DNAH17: variants seen among roughly 807,000 people sequenced by gnomAD.
DNAH17 encodes axonemal beta dynein heavy chain 17.
DNAH17 carries 376 observed loss-of-function variants against 485.6 expected under a neutral mutation model. The ratio of observed to expected loss-of-function variants is 0.77; its 90% confidence interval spans 0.71 to 0.84. The LOEUF (loss-of-function observed/expected upper bound fraction) is 0.84. DNAH17 is among the 40% of genes least tolerant of loss of function. The pLI is 0.00. For missense variants in DNAH17, 6,370 were observed against 5,839.3 expected (o/e 1.09, Z -2.96); for synonymous variants, 3,031 against 2,405.9 (o/e 1.26, Z -7.60).
At position 78,461,548 on chromosome 17, in the gene DNAH17, T is replaced by C. The variant is rs748672586; in HGVS notation, c.9335A>G (p.Asn3112Ser). 1.4e-5 allele frequency: 23 copies of C among 1,588,848 alleles called. No homozygotes were observed. The highest frequency in any genetic ancestry group is 4.5e-5 in the East Asian group (2 of 44,008). Residue 3112 changes from asparagine (N) to serine (S), a missense_variant, in exon 58 of 81, where the codon AAT (asparagine) becomes AGT (serine). Coordinates refer to ENST00000389840, the MANE Select transcript of DNAH17 (RefSeq NM_173628.4). ...DQEEVKVEVI[N>S]KNVTEKQKAC... Reference sequence around the variant, plus strand: ...CGCTGGGCTGCCTTCACCTACCTTATTGATGACCTCGACCTTGACTTCTTC... The same window carrying C: ...CGCTGGGCTGCCTTCACCTACCTTACTGATGACCTCGACCTTGACTTCTTC...
intron 49 of DNAH17, among the ~76,000 whole-genome samples, 178 bp from the exon 50 acceptor site, chr17:78,479,810 T>C (rs2089269583): frequency 2.6e-5 from 4 of 152,156 alleles, no homozygotes; most frequent in Admixed American, 2.0e-4. Flanking sequence ...TTAAGTATCA[T>C]TACACATGAA....
At chr17:78,486,697 G>A (rs372851917) in intron 44 of DNAH17, among the ~76,000 whole-genome samples, 191 bp from the exon 45 acceptor site, 1 of 152,214 alleles carries the variant, frequency 6.6e-6, no homozygotes, top group South Asian at 2.1e-4. Flanking sequence ...AAGGGTCGGA[G>A]GAGGATGCCA....
chr17:78,552,500 G>A (rs1044620074), intron 15 of DNAH17, among the ~76,000 whole-genome samples, 197 bp downstream of exon 15: 1 of 144,270 alleles, frequency 6.9e-6, no homozygotes, highest in African/African-American at 2.6e-5. Flanking sequence ...GTTTCTAAGT[G>A]ACACAGATGG....
chr17:78,467,548 C>T (rs1452658656), intron 55 of DNAH17, among the ~76,000 whole-genome samples: 8 of 152,108 alleles, frequency 5.3e-5, no homozygotes, highest in African/African-American at 1.7e-4. Flanking sequence ...CTATGCAGCC[C>T]GCAGAGGGGA....
rs771342923 is a variant in DNAH17 at position 78,459,986 on chromosome 17, GCT to G, written c.9449_9450del (p.Glu3150AlafsTer61). 6.2e-7 allele frequency: 1 copy of G among 1,612,852 alleles called. No homozygotes were observed. Among genetic ancestry groups the G allele is most frequent in the Non-Finnish European group, 8.5e-7 (1 of 1,179,884 alleles). On this transcript the variant is annotated frameshift_variant, in exon 60 of 81. Coordinates refer to ENST00000389840, the MANE Select transcript of DNAH17 (RefSeq NM_173628.4). LOFTEE classifies it high-confidence loss of function. ...TCCGGCGGGGACCCAAAGGACTTCA[GCT>G]CTGTCAGGTTGTTCTGCAAATGACA... is the stretch of plus-strand genomic sequence containing the variant. ...LDTLNKNNLT[E>X]LKSFGSPPDA...
chr17:78,507,929 G>T, intron 27 of DNAH17, 124 bp from the exon 28 acceptor site: 1 of 875,816 alleles, frequency 1.1e-6, no homozygotes, highest in Non-Finnish European at 1.7e-6. Context: ...TCAAACCAAC[G>T]TATTCACAGG....
At position 78,525,081 on chromosome 17, in the gene DNAH17, T is replaced by C; in HGVS notation, c.3792A>G (p.Pro1264=). ...GGCAGGCCTTGAGCTGCTTGTAGTC[T>C]GGGACGGGGACCTCGAACAGGCCCC... ...KSGGLFEVPV[P]DYKQLKACHR... The change falls in exon 25 of 81, where the codon CCA becomes CCG. Residue 1264 remains proline (P), a synonymous_variant. Transcript: ENST00000389840. 4 of 1,613,874 alleles carry C rather than the reference T, an allele frequency of 2.5e-6. No homozygotes were observed. The highest frequency in any genetic ancestry group is 1.7e-5 in the Admixed American group (1 of 60,022).
chr17:78,543,287 G>GTATTTTTTTTTTTTTTTTTTTTTTTTT (rs1200669389), intron 17 of DNAH17, among the ~76,000 whole-genome samples: 5 of 139,230 alleles, frequency 3.6e-5, no homozygotes, highest in African/African-American at 1.1e-4. Flanking sequence ...GTTAATTTTT[G>GTATTTTTTTTTTTTTTTTTTTTTTTTT]TTTTTTTTTT....
intron 57 of DNAH17, 91 bp from the exon 58 acceptor site, chr17:78,461,799 AG>A (rs1255016249): frequency 7.5e-7 from 1 of 1,332,960 alleles, no homozygotes; most frequent in African/African-American, 1.5e-5. Context: ...GGAGCCACAG[AG>A]GGGCAGAACG....
intron 79 of DNAH17, 99 bp downstream of exon 79, chr17:78,426,358 C>CT (rs1568033813): frequency 2.2e-6 from 3 of 1,387,998 alleles, no homozygotes; most frequent in Non-Finnish European, 2.8e-6. Flanking sequence ...CAGGAGCCTC[C>CT]TGGCCATGCT....
In DNAH17 at chr17:78,451,449, A is replaced by AC. The variant is rs2087549217; in HGVS notation, c.10734+19dup. 6.3e-7 allele frequency: 1 copy of AC among 1,594,502 alleles called. No homozygotes were observed. Among genetic ancestry groups the AC allele is most frequent in the Non-Finnish European group, 8.5e-7 (1 of 1,171,002 alleles). On this transcript the variant is annotated intron_variant, in intron 66 of 80. Coordinates refer to ENST00000389840, the MANE Select transcript of DNAH17 (RefSeq NM_173628.4). ...GTGGGACGGCACCTCCTCCCGTGTGACCAAACTTCAGGCCATTACCTTCAG... is the reference window on the plus strand; with the variant it reads ...GTGGGACGGCACCTCCTCCCGTGTGACCCAAACTTCAGGCCATTACCTTCAG...
At chr17:78,544,592 G>A (rs1261565979) in intron 16 of DNAH17, among the ~76,000 whole-genome samples, 2 of 152,044 alleles carry the variant, frequency 1.3e-5, no homozygotes, top group Non-Finnish European at 2.9e-5. Context: ...CACGAGGTCA[G>A]GAGATCGAGA....
At chr17:78,457,657 CTTTT>C (rs71160297) in intron 62 of DNAH17, among the ~76,000 whole-genome samples, 16 of 66,786 alleles carry the variant, frequency 2.4e-4, no homozygotes, top group Non-Finnish European at 3.2e-4. Context: ...CCGTGCCTGG[CTTTT>C]TTTTTTTTTT....
chr17:78,463,100 C>A, intron 56 of DNAH17, 23 bp from the exon 57 acceptor site: 1 of 1,607,484 alleles, frequency 6.2e-7, no homozygotes, highest in South Asian at 1.1e-5. Flanking sequence ...GACAGCCAGT[C>A]ATCCCTGGGA....
At position 78,491,488 on chromosome 17, in the gene DNAH17, G is replaced by T. The variant is rs1476492982; in HGVS notation, c.6624C>A (p.Asp2208Glu). The part of the protein sequence containing the change: ...PKWIILDGDI[D>E]PMWIESLNTV... ...TGTTGAGAGACTCGATCCACATGGG[G>T]TCTATGTCTCCGTCAAGGATGATCC... The change falls in exon 43 of 81, where the codon GAC becomes GAA. Residue 2208 changes from aspartate (D) to glutamate (E), a missense_variant. Coordinates refer to ENST00000389840, the MANE Select transcript of DNAH17 (RefSeq NM_173628.4). 2 of 1,613,494 alleles carry T rather than the reference G, an allele frequency of 1.2e-6. No homozygotes were observed. Among genetic ancestry groups the T allele is most frequent in the East Asian group, 2.2e-5 (1 of 44,876 alleles).
At chr17:78,434,297 G>A (rs549594386) in intron 74 of DNAH17, 77 bp from the exon 75 acceptor site, 74 of 1,417,240 alleles carry the variant, frequency 5.2e-5, no homozygotes, top group Admixed American at 1.9e-4. Context: ...GGTGACCAGC[G>A]TCCAGCCCTT....
In DNAH17 at chr17:78,552,512, CTTTT is replaced by C. The variant is rs35637364; in HGVS notation, c.2287+181_2287+184del. Among the ~76,000 whole-genome samples, 82 of 132,400 alleles carry C rather than the reference CTTTT, an allele frequency of 6.2e-4. No individual in the cohort carries two copies. In the South Asian group the frequency reaches 7.5e-3, roughly 12 times the overall value. 86.9% of individuals were successfully genotyped at this position (132,400 alleles called of 152,430 possible). The stretch of plus-strand genomic sequence containing the variant: ...TCCGTTTCTAAGTGACACAGATGGG[CTTTT>C]TTTTTTTTTTTTTGCCTGGGCAGGC... On this transcript the variant is annotated intron_variant, in intron 15 of 80. Transcript: ENST00000389840.
intron 48 of DNAH17, 107 bp from the exon 49 acceptor site, chr17:78,480,893 C>T (rs138711615): frequency 1.0e-5 from 8 of 769,166 alleles, no homozygotes; most frequent in Non-Finnish European, 1.8e-5. Context: ...TTTTTTGAGA[C>T]AGAGTCTCGC....
At chr17:78,444,568 T>A (rs1249642467) in intron 71 of DNAH17, 36 bp downstream of exon 71, 2 of 1,519,672 alleles carry the variant, frequency 1.3e-6, no homozygotes, top group Admixed American at 4.5e-5. Context: ...GGCCTGGGCC[T>A]CGGGGGCGGG....
Sources: allele counts gnomAD v4.1 joint callset (sites outside exome capture counted in the v4.1 genomes callset), GRCh38; gene constraint gnomAD v4.1.1; transcripts MANE v1.5; gene names NCBI Gene and HGNC (gene_info 2026-07-23, HGNC 2026-07-21).